DOCK2: variants seen among roughly 807,000 people sequenced by gnomAD.
The protein encoded by DOCK2 is dedicator of cytokinesis 2.
Under a neutral mutation model 248.9 loss-of-function variants are expected in DOCK2, and 87 were observed. That is an observed-to-expected ratio of 0.35 (90% CI 0.29 to 0.42). The LOEUF (loss-of-function observed/expected upper bound fraction) is 0.42, where lower values mean the gene tolerates loss of function less well. Among genes scored for constraint, DOCK2 ranks in the 10% least tolerant of loss-of-function variants. The pLI is 1.00. For synonymous variants in DOCK2, 805 were observed against 821.6 expected (o/e 0.98, Z 0.35); for missense variants, 1,747 against 2,300.2 (o/e 0.76, Z 4.92).
At chr5:170,063,136 A>G (rs12188402) in intron 44 of DOCK2, among the ~76,000 whole-genome samples, 37,114 of 152,114 alleles carry the variant, frequency 0.24, 5,135 homozygotes, top group African/African-American at 0.37. Flanking sequence ...ACCACAGGAA[A>G]AAAAAGCAGC....
At chr5:169,701,941 GTA>G (rs1245097449) in intron 13 of DOCK2, among the ~76,000 whole-genome samples, 1 of 152,198 alleles carries the variant, frequency 6.6e-6, no homozygotes, top group Non-Finnish European at 1.5e-5. Flanking sequence ...ATCGGCAGAT[GTA>G]TATGTTTGGT....
intron 26 of DOCK2, among the ~76,000 whole-genome samples, chr5:169,827,448 A>G (rs1768939925): frequency 6.6e-6 from 1 of 152,198 alleles, no homozygotes; most frequent in Non-Finnish European, 1.5e-5. Context: ...TTGCTTCAAG[A>G]TGACTTGGTT....
chr5:169,806,523 G>A (rs1243792141), intron 26 of DOCK2, among the ~76,000 whole-genome samples: 11 of 152,004 alleles, frequency 7.2e-5, no homozygotes, highest in Admixed American at 4.6e-4. Flanking sequence ...TCTCCAAGCC[G>A]AAGAGTTTAA....
intron 26 of DOCK2, among the ~76,000 whole-genome samples, chr5:169,825,343 C>T (rs1768774690): frequency 6.6e-6 from 1 of 152,082 alleles, no homozygotes; most frequent in Non-Finnish European, 1.5e-5. Context: ...TGGCACTATT[C>T]ACAATAGCAA....
chr5:169,704,759 ATGTGTGTGTGTG>A (rs56289708), intron 14 of DOCK2, among the ~76,000 whole-genome samples: 5,041 of 139,984 alleles, frequency 0.036, 104 homozygotes, highest in East Asian at 0.086. Flanking sequence ...CTCCATATAT[ATGTGTGTGTGTG>A]TGTGTGTGTG....
intron 27 of DOCK2, among the ~76,000 whole-genome samples, chr5:169,871,037 C>T (rs374944440): frequency 5.3e-5 from 8 of 152,262 alleles, no homozygotes; most frequent in Admixed American, 6.5e-5. Context: ...TGTGTCCTCA[C>T]GTGGCAGAAA....
At chr5:170,040,763 A>C (rs1756489099) in intron 36 of DOCK2, 2 of 327,606 alleles carry the variant, frequency 6.1e-6, no homozygotes. Flanking sequence ...TTATCCAGGC[A>C]ATAGTTCTCT....
intron 6 of DOCK2, among the ~76,000 whole-genome samples, chr5:169,681,323 C>A (rs755891822): frequency 1.3e-5 from 2 of 151,694 alleles, no homozygotes; most frequent in Non-Finnish European, 2.9e-5. Context: ...AGGGTTTCAC[C>A]ATCTTGGCCA....
At chr5:169,798,219 G>A (rs956413220) in intron 25 of DOCK2, among the ~76,000 whole-genome samples, 7 of 152,092 alleles carry the variant, frequency 4.6e-5, no homozygotes, top group South Asian at 2.1e-4. Context: ...CAACTTCCTC[G>A]GAACCTATGT....
chr5:170,069,130 T>A lies in DOCK2; in HGVS notation c.4645-7T>A. The A allele has an allele frequency of 1.2e-6, 2 of 1,613,190 alleles. No homozygotes were observed. Among genetic ancestry groups the A allele is most frequent in the Non-Finnish European group, 1.7e-6 (2 of 1,179,582 alleles). ...GGAAACCCTGACCTCCTATCTGTCC[T>A]CCCCAGGCCTTCTTCACTGAAGAGT... On this transcript the variant is annotated splice_region_variant and splice_polypyrimidine_tract_variant and intron_variant, in intron 45 of 51. Coordinates refer to ENST00000520908, the MANE Select transcript of DOCK2 (RefSeq NM_004946.3).
At chr5:170,038,726 T>A (rs1050614811) in intron 36 of DOCK2, among the ~76,000 whole-genome samples, 1 of 152,142 alleles carries the variant, frequency 6.6e-6, no homozygotes, top group African/African-American at 2.4e-5. Context: ...GGACGTCTTC[T>A]TTTTACTAGG....
chr5:169,983,229 C>G, intron 28 of DOCK2, 63 bp downstream of exon 28: 1 of 1,549,710 alleles, frequency 6.5e-7, no homozygotes, highest in South Asian at 1.1e-5. Context: ...TGGCTTCTGT[C>G]CCTGTCAGAG....
At chr5:169,775,441 T>C (rs534741641) in intron 25 of DOCK2, among the ~76,000 whole-genome samples, 9 of 152,138 alleles carry the variant, frequency 5.9e-5, no homozygotes, top group Non-Finnish European at 8.8e-5. Context: ...CTTTTTTCTT[T>C]TTTTTGAGAT....
At chr5:169,658,980 CATTATTATT>C (rs200506411) in intron 2 of DOCK2, among the ~76,000 whole-genome samples, 23,109 of 135,988 alleles carry the variant, frequency 0.17, 2,138 homozygotes, top group Middle Eastern at 0.28. Flanking sequence ...TACAAGACTG[CATTATTATT>C]ATTATTATTA....
At chr5:170,066,006 T>C (rs10045060) in intron 44 of DOCK2, among the ~76,000 whole-genome samples, 50,231 of 148,360 alleles carry the variant, frequency 0.34, 8,607 homozygotes, top group Middle Eastern at 0.46. Context: ...GGCTGGAGTG[T>C]AGTGGCGCGA....
intron 40 of DOCK2, 81 bp from the exon 41 acceptor site, chr5:170,050,175 T>C (rs1756865929): frequency 6.4e-7 from 1 of 1,557,686 alleles, no homozygotes; most frequent in South Asian, 1.2e-5. Context: ...CCGTGGTCAT[T>C]TTACAAGCTC....
chr5:169,685,197 G>A (rs968600960), intron 8 of DOCK2, among the ~76,000 whole-genome samples: 2 of 152,206 alleles, frequency 1.3e-5, no homozygotes, highest in African/African-American at 4.8e-5. Context: ...GATGCACAAG[G>A]CCTGGCACAT....
intron 27 of DOCK2, chr5:169,884,016 G>T: frequency 1.0e-6 from 1 of 989,538 alleles, no homozygotes; most frequent in Non-Finnish European, 1.4e-6. Context: ...GGCCAGGATG[G>T]AGTGGTCCTC....
intron 23 of DOCK2, among the ~76,000 whole-genome samples, chr5:169,752,975 G>A (rs961205158): frequency 2.0e-5 from 3 of 152,164 alleles, no homozygotes; most frequent in African/African-American, 4.8e-5. Flanking sequence ...TGAGGTAGGA[G>A]AATTGCTTGA....
Sources: gnomAD v4.1 joint callset for allele counts (sites outside exome capture counted in the v4.1 genomes callset) on GRCh38, gnomAD v4.1.1 for gene constraint, MANE v1.5 for transcripts, NCBI Gene and HGNC (gene_info 2026-07-23, HGNC 2026-07-21) for gene names.